Variants in PLA1A observed in about 807,000 individuals in gnomAD.
The protein encoded by PLA1A is phospholipase A1 member A.
PLA1A carries 47 observed loss-of-function variants against 49.4 expected under a neutral mutation model. The ratio of observed to expected loss-of-function variants is 0.95; its 90% CI spans 0.75 to 1.21. The LOEUF (loss-of-function observed/expected upper bound fraction) is 1.21, where lower values mean the gene tolerates loss of function less well. Ranked by LOEUF, PLA1A falls within the 50% of genes most tolerant of loss-of-function variation. PLA1A has a pLI of 0.00. For synonymous variants in PLA1A, 224 were observed against 207.9 expected (o/e 1.08, Z -0.67); for missense variants, 561 against 563.9 (o/e 0.99, Z 0.05).
intron 1 of PLA1A, among the ~76,000 whole-genome samples, chr3:119,604,246 TG>T (rs1366207664): frequency 3.9e-5 from 6 of 152,130 alleles, no homozygotes; most frequent in Admixed American, 1.3e-4. Flanking sequence ...ATTCCACTAC[TG>T]GGTATATATC....
At position 119,609,509 on chromosome 3, in the gene PLA1A, T is replaced by C. The variant is rs2082736955; in HGVS notation, c.495T>C (p.Val165=). Residue 165 remains valine, a synonymous_variant, in exon 4 of 11, where the codon GTT becomes GTC. Transcript: ENST00000273371. ...VSESSIHIIG[V]SLGAHVGGMV... Reference sequence around the variant, plus strand: ...AATCCTCAATCCACATCATTGGTGTTAGCCTGGGGGCCCACGTTGGGGGCA... The same window carrying C: ...AATCCTCAATCCACATCATTGGTGTCAGCCTGGGGGCCCACGTTGGGGGCA... 1.9e-6 allele frequency: 3 copies of C among 1,613,520 alleles called. No homozygotes were observed. The highest frequency in any genetic ancestry group is 2.2e-5 in the East Asian group (1 of 44,868).
In PLA1A at chr3:119,606,448, G is replaced by C. The variant is rs139861193; in HGVS notation, c.74-326G>C. 5.9e-3 allele frequency among the ~76,000 whole-genome samples: 894 copies of C among 152,282 alleles called. 9 individuals are homozygous for C. The highest frequency in any genetic ancestry group is 0.019 in the African/African-American group (801 of 41,546). On this transcript the variant is annotated intron_variant, in intron 1 of 10. Coordinates refer to ENST00000273371, the MANE Select transcript of PLA1A (RefSeq NM_015900.4). Reference sequence around the variant, plus strand: ...ACAGTCACATTCTGAAGTATTGGGGGTTAAGATTTCAACATATGAATTTTG... The same window carrying C: ...ACAGTCACATTCTGAAGTATTGGGGCTTAAGATTTCAACATATGAATTTTG...
At chr3:119,599,906 T>C (rs778134410) in intron 1 of PLA1A, among the ~76,000 whole-genome samples, 18 of 152,214 alleles carry the variant, frequency 1.2e-4, no homozygotes, top group Admixed American at 2.0e-4. Flanking sequence ...TCCTTATTCT[T>C]ACTTTTAGTA....
intron 5 of PLA1A, among the ~76,000 whole-genome samples, chr3:119,615,768 G>C (rs534665818): frequency 6.6e-6 from 1 of 151,706 alleles, no homozygotes; most frequent in African/African-American, 2.4e-5. Flanking sequence ...AGAAGATGGC[G>C]CCACTGCACT....
intron 1 of PLA1A, among the ~76,000 whole-genome samples, chr3:119,602,201 C>A (rs984057921): frequency 6.6e-6 from 1 of 152,152 alleles, no homozygotes; most frequent in Non-Finnish European, 1.5e-5. Context: ...TCCTGTCTCC[C>A]ATTTTCTATT....
At chr3:119,608,574 A>G (rs2082725187) in intron 2 of PLA1A, among the ~76,000 whole-genome samples, 196 bp from the exon 3 acceptor site, 1 of 152,224 alleles carries the variant, frequency 6.6e-6, no homozygotes, top group African/African-American at 2.4e-5. Flanking sequence ...CAAAGACTGC[A>G]TATGTGCTGG....
chr3:119,626,463 G>T (rs1468705776), intron 9 of PLA1A, among the ~76,000 whole-genome samples: 1 of 152,212 alleles, frequency 6.6e-6, no homozygotes, highest in African/African-American at 2.4e-5. Flanking sequence ...CCCAGGCCAG[G>T]CTTAGAGAGA....
rs777172711 is a variant in PLA1A, at chr3:119,608,918, G to A, written c.424G>A (p.Glu142Lys). ...AVKNVIKLSL[E>K]ISLFLNKLLV... ...GAAAAATGTGATTAAGTTGAGCCTC[G>A]AGATCTCCCTTTTCCTCAATAAACT... Residue 142 changes from glutamate (E) to lysine (K), a missense_variant, in exon 3 of 11, where the codon GAG (glutamate) becomes AAG (lysine). Physicochemically the swap from Glu to Lys is moderately conservative, Grantham distance 56. Transcript: ENST00000273371. The A allele has an allele frequency of 1.2e-5, 20 of 1,613,938 alleles. No individual in the cohort carries two copies. Among genetic ancestry groups the A allele is most frequent in the East Asian group, 4.5e-5 (2 of 44,902 alleles).
At chr3:119,604,851 A>G (rs1234801535) in intron 1 of PLA1A, among the ~76,000 whole-genome samples, 1 of 152,126 alleles carries the variant, frequency 6.6e-6, no homozygotes, top group African/African-American at 2.4e-5. Flanking sequence ...GTCCTATTGT[A>G]AAAAAATGGA....
chr3:119,619,979 GGC>G, intron 8 of PLA1A: 1 of 449,384 alleles, frequency 2.2e-6, no homozygotes, highest in Non-Finnish European at 4.4e-6. Flanking sequence ...CCCACTTCTT[GGC>G]GCCCACCCTA....
Position 119,616,058 on chromosome 3 carries a change from C to T in PLA1A, c.711C>T (p.Asn237=), listed in dbSNP as rs113593671. 1.1e-3 allele frequency: 1,852 copies of T among 1,613,592 alleles called. 4 individuals are homozygous for T. The highest frequency in any genetic ancestry group is 4.2e-3 in the African/African-American group (313 of 75,018). The change falls in exon 6 of 11, where the codon AAC becomes AAT. Residue 237 remains asparagine, a synonymous_variant. Transcript: ENST00000273371. ...IPVGHVDYFV[N]GGQDQPGCPT... The stretch of plus-strand genomic sequence containing the variant: ...TTGGACATGTGGACTACTTCGTCAA[C>T]GGAGGCCAAGACCAACCTGGCTGCC...
chr3:119,609,326 C>T, intron 3 of PLA1A, 142 bp from the exon 4 acceptor site: 1 of 746,004 alleles, frequency 1.3e-6, no homozygotes, highest in Non-Finnish European at 2.5e-6. Context: ...AATGAGAGTG[C>T]TGTCCTTTTT....
chr3:119,614,948 C>T (rs1454022829), intron 5 of PLA1A, among the ~76,000 whole-genome samples: 2 of 152,014 alleles, frequency 1.3e-5, no homozygotes, highest in Middle Eastern at 3.2e-3. Context: ...ATGATGGTGG[C>T]TTGGGCAAAG....
At chr3:119,620,227 T>G in intron 8 of PLA1A, 1 of 449,278 alleles carries the variant, frequency 2.2e-6, no homozygotes, top group South Asian at 1.6e-5. Context: ...CCCTATGCTA[T>G]GTGCATCTTA....
intron 1 of PLA1A, among the ~76,000 whole-genome samples, chr3:119,601,670 T>C (rs1018734922): frequency 6.6e-5 from 10 of 152,234 alleles, no homozygotes; most frequent in Admixed American, 6.5e-4. Flanking sequence ...TCAAACTTTA[T>C]AACTTTTATC....
chr3:119,618,392 C>T (rs1023333794), intron 7 of PLA1A, among the ~76,000 whole-genome samples: 4 of 152,130 alleles, frequency 2.6e-5, no homozygotes, highest in African/African-American at 9.7e-5. Flanking sequence ...CTATAGTGTT[C>T]CCTATGGCCA....
rs144667059 is a variant in PLA1A at position 119,625,901 on chromosome 3, G to C, written c.1121+669G>C. 4.5e-3 allele frequency among the ~76,000 whole-genome samples: 680 copies of C among 152,250 alleles called. 7 individuals are homozygous for C. Among genetic ancestry groups the C allele is most frequent in the African/African-American group, 0.016 (644 of 41,544 alleles). On this transcript the variant is annotated intron_variant, in intron 9 of 10. Transcript: ENST00000273371. Reference sequence around the variant, plus strand: ...CAGGGGATAGGAAGTCAGCAGCCATGGTGCATGCTTCTTTAAAAAGCAACC... The same window carrying C: ...CAGGGGATAGGAAGTCAGCAGCCATCGTGCATGCTTCTTTAAAAAGCAACC...
chr3:119,599,209 T>C (rs2082581592), intron 1 of PLA1A, among the ~76,000 whole-genome samples: 1 of 152,204 alleles, frequency 6.6e-6, no homozygotes, highest in Non-Finnish European at 1.5e-5. Context: ...GAGATGATCC[T>C]TACCAGATAG....
chr3:119,597,917 C>T lies in PLA1A; in HGVS notation c.4C>T (p.Pro2Ser), dbSNP rs1265550342. Residue 2 changes from proline (P) to serine (S), a missense_variant, in exon 1 of 11, where the codon CCC (proline) becomes TCC (serine). Transcript: ENST00000273371. ...CTCTGAGATTTCCAGCTCAGCGATG[C>T]CCCCAGGTCCCTGGGAGAGCTGCTT... is the stretch of plus-strand genomic sequence containing the variant. Reference protein sequence around the residue: MPPGPWESCFWV... With the variant: MSPGPWESCFWV... The T allele has an allele frequency of 6.2e-7, 1 of 1,602,654 alleles. No homozygotes were observed. Among genetic ancestry groups the T allele is most frequent in the Admixed American group, 1.7e-5 (1 of 59,332 alleles).
Sources: allele counts gnomAD v4.1 joint callset (sites outside exome capture counted in the v4.1 genomes callset), GRCh38; gene constraint gnomAD v4.1.1; transcripts MANE v1.5; gene names NCBI Gene and HGNC (gene_info 2026-07-23, HGNC 2026-07-21).